ZNF532: variants seen among roughly 807,000 people sequenced by gnomAD.
The protein encoded by ZNF532 is zinc finger protein 532.
Under a neutral mutation model 89.3 loss-of-function variants are expected in ZNF532, and 22 were observed. That is an observed-to-expected ratio of 0.25 (90% CI 0.18 to 0.35). The LOEUF (loss-of-function observed/expected upper bound fraction) is 0.35. Ranked by LOEUF, ZNF532 falls within the 10% of genes least tolerant of loss-of-function variation. The probability of loss-of-function intolerance (pLI) is 1.00; values close to 1 mark genes in which losing one functional copy is unlikely to be tolerated. For synonymous variants in ZNF532, 606 were observed against 649.6 expected, an observed-to-expected ratio of 0.93 and a Z score of 1.02; for missense variants, 1,132 against 1,643.4, an observed-to-expected ratio of 0.69 and a Z score of 5.38.
Position 58,941,179 on chromosome 18 carries a change from C to T in ZNF532, c.2705+1558C>T, listed in dbSNP as rs149807537. 3.5e-3 allele frequency among the ~76,000 whole-genome samples: 529 copies of T among 152,132 alleles called. 5 individuals carry two copies. The highest frequency in any genetic ancestry group is 0.011 in the African/African-American group (456 of 41,522). On this transcript the variant is annotated intron_variant, in intron 5 of 9. Transcript: ENST00000591808. ...AAGGAATCCATACATGTCTTGATGT[C>T]TTGACTCTGAAGATGGGGATTAGTG...
chr18:58,951,966 A>G (rs1006501257), intron 6 of ZNF532, among the ~76,000 whole-genome samples: 1 of 152,038 alleles, frequency 6.6e-6, no homozygotes, highest in African/African-American at 2.4e-5. Flanking sequence ...GCCCCCTTTT[A>G]TGGGCCACTT....
At chr18:58,942,891 C>A (rs1222614990) in intron 5 of ZNF532, among the ~76,000 whole-genome samples, 1 of 152,120 alleles carries the variant, frequency 6.6e-6, no homozygotes, top group Non-Finnish European at 1.5e-5. Context: ...TTTAAATGAT[C>A]AGTGTTAAAA....
At chr18:58,868,849 A>G (rs969571025) in intron 2 of ZNF532, among the ~76,000 whole-genome samples, 7 of 152,192 alleles carry the variant, frequency 4.6e-5, no homozygotes, top group Non-Finnish European at 1.0e-4. Context: ...GTATCATTAG[A>G]CAGTCTTGTC....
chr18:58,901,558 G>A (rs1452916686), intron 2 of ZNF532, among the ~76,000 whole-genome samples: 1 of 152,220 alleles, frequency 6.6e-6, no homozygotes, highest in Non-Finnish European at 1.5e-5. Context: ...TTGCTCTTTA[G>A]CCAGCACCTG....
intron 7 of ZNF532, among the ~76,000 whole-genome samples, chr18:58,957,699 C>CTT (rs1044918105): frequency 6.6e-6 from 1 of 152,036 alleles, no homozygotes; most frequent in Non-Finnish European, 1.5e-5. Context: ...TCCAGAAGAA[C>CTT]TTTACTAAAA....
At chr18:58,911,205 T>C (rs1363018506) in intron 2 of ZNF532, among the ~76,000 whole-genome samples, 1 of 152,020 alleles carries the variant, frequency 6.6e-6, no homozygotes, top group Non-Finnish European at 1.5e-5. Context: ...CTGGAGGAGA[T>C]CTCTCTATGC....
At chr18:58,914,147 G>T (rs573603907) in intron 2 of ZNF532, among the ~76,000 whole-genome samples, 2 of 152,316 alleles carry the variant, frequency 1.3e-5, no homozygotes, top group Admixed American at 6.5e-5. Flanking sequence ...TGCCAACAAA[G>T]ATGAAATAGC....
intron 2 of ZNF532, among the ~76,000 whole-genome samples, chr18:58,914,478 G>A (rs2060470782): frequency 6.6e-6 from 1 of 152,238 alleles, no homozygotes; most frequent in Admixed American, 6.5e-5. Flanking sequence ...TCAGGAGCTT[G>A]AGACCAGCCT....
rs184265234 is a variant in ZNF532, at chr18:58,976,427, C to T, written c.3151-2628C>T. Reference sequence around the variant, plus strand: ...TAAACCCGTCACCTTAATAGGAAATCGAATTTTCCTTTCTGTGGGGTCTCT... The same window carrying T: ...TAAACCCGTCACCTTAATAGGAAATTGAATTTTCCTTTCTGTGGGGTCTCT... On this transcript the variant is annotated intron_variant, in intron 7 of 9. Transcript: ENST00000591808. Among the ~76,000 whole-genome samples, 168 of 152,226 alleles carry T rather than the reference C, an allele frequency of 1.1e-3. 2 individuals are homozygous for T. The South Asian group carries it at 0.014, about 13-fold the overall frequency.
intron 5 of ZNF532, chr18:58,939,848 G>A (rs1374305212): frequency 5.3e-5 from 19 of 357,180 alleles, no homozygotes; most frequent in Non-Finnish European, 8.5e-5. Context: ...CTCTTGTCAC[G>A]AATTTTTGCT....
At chr18:58,915,996 C>T (rs1419587628) in intron 2 of ZNF532, among the ~76,000 whole-genome samples, 5 of 152,230 alleles carry the variant, frequency 3.3e-5, no homozygotes, top group African/African-American at 9.6e-5. Context: ...AGCCCCACTA[C>T]CATGGGGACT....
chr18:58,888,854 A>AT (rs1568248199), intron 2 of ZNF532, among the ~76,000 whole-genome samples: 1 of 41,316 alleles, frequency 2.4e-5, no homozygotes, highest in South Asian at 7.3e-4. Flanking sequence ...TATATATATA[A>AT]TTTATATATA....
In ZNF532 at chr18:58,900,507, T is replaced by C. The variant is rs112508787; in HGVS notation, c.-17-17764T>C. 2.1e-3 allele frequency among the ~76,000 whole-genome samples: 327 copies of C among 152,294 alleles called. 3 individuals are homozygous for C. Among genetic ancestry groups the C allele is most frequent in the African/African-American group, 7.5e-3 (312 of 41,562 alleles). ...TCTAGCCCTGCCCTGCTCCCTGCTT[T>C]CTTTGCTGGCTCCAGGGCCTGGCTG... On this transcript the variant is annotated intron_variant, in intron 2 of 9. Transcript: ENST00000591808.
Position 58,919,393 on chromosome 18 carries a change from C to A in ZNF532, c.1106C>A (p.Ser369Tyr), listed in dbSNP as rs2060857475. The change falls in exon 3 of 10, where the codon TCT (serine) becomes TAT (tyrosine). Residue 369 changes from serine (S) to tyrosine (Y), a missense_variant. Physicochemically the swap from Ser to Tyr is moderately radical, Grantham distance 144. Around this residue, in one of 9 missense-constraint regions of ZNF532, gnomAD observed 124 missense variants for 191.6 expected, o/e 0.65. Coordinates refer to ENST00000591808, the MANE Select transcript of ZNF532 (RefSeq NM_001375912.1). The surrounding 1 kb of genome is among the most constrained non-coding windows in gnomAD (Gnocchi z 6.1). ...GTCCGCATAAAAACCATTAAGACAT[C>A]TTCTGGGGAAATCAAGAGAACAGTG... Reference protein sequence around the residue: ...PKVRIKTIKTSSGEIKRTVTR... With the variant: ...PKVRIKTIKTYSGEIKRTVTR... The A allele has an allele frequency of 6.2e-7, 1 of 1,614,114 alleles. No homozygotes were observed. The highest frequency in any genetic ancestry group is 8.5e-7 in the Non-Finnish European group (1 of 1,180,052).
intron 7 of ZNF532, among the ~76,000 whole-genome samples, chr18:58,957,525 T>C (rs1051932959): frequency 6.6e-6 from 1 of 151,680 alleles, no homozygotes; most frequent in Admixed American, 6.6e-5. Context: ...AGTATGATTA[T>C]TATTTTGATA....
At chr18:58,926,283 G>A (rs564240999) in intron 3 of ZNF532, 9 of 152,232 alleles carry the variant, frequency 5.9e-5, no homozygotes, top group African/African-American at 1.9e-4. Flanking sequence ...TTAGCCAAAA[G>A]GCCGATAAAT....
chr18:58,959,259 TGTTTTTTTTTG>T (rs2065097357), intron 7 of ZNF532, among the ~76,000 whole-genome samples: 1 of 143,294 alleles, frequency 7.0e-6, no homozygotes, highest in African/African-American at 2.8e-5. Context: ...TTTTGTTTTT[TGTTTTTTTTTG>T]TTTTTTTTTG....
At chr18:58,973,778 C>T (rs1206314763) in intron 7 of ZNF532, among the ~76,000 whole-genome samples, 1 of 152,188 alleles carries the variant, frequency 6.6e-6, no homozygotes, top group Admixed American at 6.5e-5. Context: ...CACTTGGGCA[C>T]ATCCACACTG....
In ZNF532 at chr18:58,919,779, A is replaced by G; in HGVS notation, c.1492A>G (p.Asn498Asp). ...CAGCAGCGCCATCATTAAAGCTGCC[A>G]ACGCCATCCAGCAGCAAACTGTCGT... Reference protein sequence around the residue: ...SASSAIIKAANAIQQQTVVVP... With the variant: ...SASSAIIKAADAIQQQTVVVP... Residue 498 changes from asparagine to aspartate, a missense_variant, in exon 3 of 10, where the codon AAC (asparagine) becomes GAC (aspartate). This residue lies in a region of ZNF532 where 97 missense variants were observed against 143.7 expected (regional missense o/e 0.68). Coordinates refer to ENST00000591808, the MANE Select transcript of ZNF532 (RefSeq NM_001375912.1). This position sits in a 1 kb window ranked among gnomAD's most constrained non-coding sequence, Gnocchi z 6.1. The G allele has an allele frequency of 6.2e-7, 1 of 1,614,132 alleles. No individual in the cohort carries two copies. Among genetic ancestry groups the G allele is most frequent in the Non-Finnish European group, 8.5e-7 (1 of 1,179,988 alleles).
Sources: allele counts gnomAD v4.1 joint callset (sites outside exome capture counted in the v4.1 genomes callset), GRCh38; gene constraint gnomAD v4.1.1; regional missense constraint gnomAD v4.1.1; non-coding constraint Gnocchi (gnomAD v3.1); transcripts MANE v1.5; gene names NCBI Gene and HGNC (gene_info 2026-07-23, HGNC 2026-07-21).